RNF135: variants seen among roughly 807,000 people sequenced by gnomAD.
The protein encoded by RNF135 is ring finger protein 135.
Under a neutral mutation model 41.9 loss-of-function variants are expected in RNF135, and 46 were observed. The observed-to-expected ratio is 1.10, with a 90% CI of 0.87 to 1.40. RNF135 has a LOEUF of 1.40. Ranked by LOEUF, RNF135 falls within the 40% of genes most tolerant of loss-of-function variation. The pLI is 0.00. For synonymous variants in RNF135, 238 were observed against 223.8 expected, an observed-to-expected ratio of 1.06 and a Z score of -0.57; for missense variants, 539 against 549.8, an observed-to-expected ratio of 0.98 and a Z score of 0.20.
chr17:30,963,132 A>T, the RNF135 span, among the ~76,000 whole-genome samples: 1 of 106,400 alleles, frequency 9.4e-6, no homozygotes, highest in Non-Finnish European at 1.7e-5. Flanking sequence ...TGGTCTTGCT[A>T]TGTTGCCCAG....
At position 30,971,274 on chromosome 17, in the gene RNF135, G is replaced by T; in HGVS notation, c.201G>T (p.Ala67=). 1 of 1,524,828 alleles carries T rather than the reference G, an allele frequency of 6.6e-7. No individual in the cohort carries two copies. The highest frequency in any genetic ancestry group is 8.8e-7 in the Non-Finnish European group (1 of 1,140,678). The allele number at this position is 1,524,828 out of a possible 1,614,324, so 94.5% of individuals were successfully genotyped here. A position where few individuals can be genotyped will look rare whatever the true frequency, so the allele number is the denominator to read the frequency against. ...GCCCCACTTGCCGCCAGGGCGCCGC[G>T]CAGCAGCCGCACCTGCGGAAGAACA... The part of the protein sequence containing the change: ...WACPTCRQGA[A]QQPHLRKNTL... The change falls in exon 1 of 5, where the codon GCG becomes GCT. Residue 67 remains alanine, a synonymous_variant. Coordinates refer to ENST00000328381, the MANE Select transcript of RNF135 (RefSeq NM_032322.4).
chr17:30,992,139 T>G (rs533809466), intron 3 of RNF135, among the ~76,000 whole-genome samples: 2 of 151,872 alleles, frequency 1.3e-5, no homozygotes, highest in Non-Finnish European at 2.9e-5. Flanking sequence ...CCCATGTTGG[T>G]CAGGCTGGTC....
chr17:30,970,959 A>C, upstream of RNF135: 2 of 1,421,866 alleles, frequency 1.4e-6, no homozygotes, highest in South Asian at 1.3e-5. Context: ...AGGAAGGAGG[A>C]GAAAAGGCGG....
intron 2 of RNF135, among the ~76,000 whole-genome samples, chr17:30,986,215 CTTT>C (rs111962099): frequency 7.0e-6 from 1 of 142,432 alleles, no homozygotes; most frequent in Admixed American, 7.1e-5. Context: ...ACTTTTGATG[CTTT>C]TTTTTTTTTT....
intron 1 of RNF135, among the ~76,000 whole-genome samples, chr17:30,980,473 G>A (rs577225343): frequency 5.8e-5 from 7 of 120,792 alleles, no homozygotes; most frequent in East Asian, 2.8e-4. Context: ...CTCACCTCCC[G>A]GACGGGGCGG....
chr17:30,998,520 G>T, intron 4 of RNF135, 142 bp from the exon 5 acceptor site: 1 of 802,240 alleles, frequency 1.2e-6, no homozygotes. Context: ...ATTTCTTCCT[G>T]TTGGGTGATG....
At position 30,999,185 on chromosome 17, in the gene RNF135, G is replaced by A. The variant is rs1908577570; in HGVS notation, c.1293G>A (p.Lys431=). 6.2e-7 allele frequency: 1 copy of A among 1,613,352 alleles called. No individual in the cohort carries two copies. Among genetic ancestry groups the A allele is most frequent in the Non-Finnish European group, 8.5e-7 (1 of 1,180,028 alleles). Residue 431 remains lysine, a synonymous_variant, in exon 5 of 5, where the codon AAG becomes AAA. Transcript: ENST00000328381. ...ATTACCTGATAATAAAGCAAGTAAA[G>A]GTGTAAGGTTTCCTAAGGGATTACA... ...PGNYLIIKQV[K]V
intron 3 of RNF135, among the ~76,000 whole-genome samples, chr17:30,990,669 C>T (rs150240483): frequency 6.0e-4 from 91 of 152,234 alleles, no homozygotes; most frequent in African/African-American, 2.1e-3. Context: ...CAAATGTCAG[C>T]GAATATGAAT....
Position 30,971,104 on chromosome 17 carries a change from C to G in RNF135, c.31C>G (p.Pro11Ala). MAGLGLGSAVPVWLAEDDLGC... is the reference protein window; with the variant it reads MAGLGLGSAVAVWLAEDDLGC... ...GGGCCTGGGCCTGGGCTCCGCCGTT[C>G]CCGTGTGGCTGGCCGAGGACGACCT... The change falls in exon 1 of 5, where the codon CCC becomes GCC. Residue 11 changes from proline to alanine, a missense_variant. Physicochemically the swap from Pro to Ala is conservative, Grantham distance 27. Coordinates refer to ENST00000328381, the MANE Select transcript of RNF135 (RefSeq NM_032322.4). 6.5e-7 allele frequency: 1 copy of G among 1,534,390 alleles called. No individual in the cohort carries two copies. Among genetic ancestry groups the G allele is most frequent in the Non-Finnish European group, 8.7e-7 (1 of 1,146,126 alleles).
At chr17:30,970,968 G>C, upstream of RNF135, 10 of 1,466,578 alleles carry the variant, frequency 6.8e-6, no homozygotes, top group Non-Finnish European at 9.2e-6. Context: ...GAGAAAAGGC[G>C]GCCGAGAAAA....
intron 1 of RNF135, among the ~76,000 whole-genome samples, chr17:30,984,087 C>A (rs1907416619): frequency 6.6e-6 from 1 of 152,112 alleles, no homozygotes; most frequent in African/African-American, 2.4e-5. Context: ...TATTTTCTTC[C>A]ATTTTTGTGG....
intron 1 of RNF135, chr17:30,975,492 A>G (rs1906365859): frequency 5.1e-6 from 4 of 777,476 alleles, no homozygotes; most frequent in Admixed American, 1.7e-5. Flanking sequence ...ATCTTGTTCA[A>G]TGAGAACCCA....
At chr17:30,970,873 C>T, upstream of RNF135, 1 of 736,108 alleles carries the variant, frequency 1.4e-6, no homozygotes, top group Non-Finnish European at 2.1e-6. Flanking sequence ...AAGGTCAGCT[C>T]TGTCTTTCCA....
intron 3 of RNF135, 93 bp downstream of exon 3, chr17:30,988,199 C>A: frequency 1.6e-6 from 2 of 1,233,522 alleles, no homozygotes; most frequent in South Asian, 1.3e-5. Flanking sequence ...GGGATAGGAT[C>A]CCAGAGTCCA....
In RNF135 at chr17:30,971,363, A is replaced by ACCCTGCCCACTGC. The variant is rs1358333969; in HGVS notation, c.299_311dup (p.Gly105LeufsTer103). The stretch of plus-strand genomic sequence containing the variant: ...GCACGCGAGATACAGGCGGGCTCCG[A>ACCCTGCCCACTGC]CCCTGCCCACTGCCCCTGCCCGGGC... On this transcript the variant is annotated frameshift_variant, in exon 1 of 5. Transcript: ENST00000328381. LOFTEE classifies it high-confidence loss of function. The ACCCTGCCCACTGC allele has an allele frequency of 9.2e-6, 14 of 1,529,260 alleles. No individual in the cohort carries two copies. The East Asian group carries it at 2.0e-4, about 22-fold the overall frequency. The allele number at this position is 1,529,260 out of a possible 1,614,324, so 94.7% of individuals were successfully genotyped here. A position where few individuals can be genotyped will look rare whatever the true frequency, so the allele number is the denominator to read the frequency against.
At chr17:30,979,375 C>G (rs868418353) in intron 1 of RNF135, among the ~76,000 whole-genome samples, 28 of 115,860 alleles carry the variant, frequency 2.4e-4, no homozygotes, top group African/African-American at 1.1e-3. Flanking sequence ...CTGTCCCCCC[C>G]ACCTCCCTCC....
upstream of RNF135, among the ~76,000 whole-genome samples, chr17:30,968,438 T>C (rs1192082933): frequency 6.7e-6 from 1 of 148,778 alleles, no homozygotes; most frequent in African/African-American, 2.5e-5. Context: ...CAGGCTGGAG[T>C]GCAGTGGTGC....
At chr17:30,994,336 A>G (rs1014304317) in intron 3 of RNF135, among the ~76,000 whole-genome samples, 3 of 152,098 alleles carry the variant, frequency 2.0e-5, no homozygotes, top group African/African-American at 7.2e-5. Flanking sequence ...TGAGTCCAGG[A>G]GTTCAAGAGC....
intron 1 of RNF135, among the ~76,000 whole-genome samples, chr17:30,983,354 T>TATATATATATATATATATATATATATA (rs1491179041): frequency 3.9e-5 from 1 of 25,674 alleles, no homozygotes; most frequent in Non-Finnish European, 8.3e-5. Context: ...TATATATATA[T>TATATATATATATATATATATATATATA]TTTTTTTTTT....
Sources: gnomAD v4.1 joint callset for allele counts (sites outside exome capture counted in the v4.1 genomes callset) on GRCh38, gnomAD v4.1.1 for gene constraint, MANE v1.5 for transcripts, NCBI Gene and HGNC (gene_info 2026-07-23, HGNC 2026-07-21) for gene names.